FKBP5: variants seen among roughly 807,000 people sequenced by gnomAD.
FKBP5 encodes the protein peptidyl-prolyl cis-trans isomerase FKBP5.
FKBP5 carries 23 observed loss-of-function variants against 50.5 expected under a neutral mutation model. That is an observed-to-expected ratio of 0.46 (90% confidence interval 0.33 to 0.65). FKBP5 has a LOEUF of 0.65. FKBP5 is among the 30% of genes least tolerant of loss of function. FKBP5 has a pLI of 0.02. For missense variants in FKBP5, 411 were observed against 553.1 expected (o/e 0.74, Z 2.58); for synonymous variants, 176 against 190.6 (o/e 0.92, Z 0.63).
rs551947555 is a variant in FKBP5 at position 35,601,786 on chromosome 6, T to C, written c.509-4382A>G. ...TACGGGAAGTAAATCATCTATGACA[T>C]GCCCAAAGAGAATAAAAGTACATAC... On this transcript the variant is annotated intron_variant, in intron 5 of 10. Coordinates refer to ENST00000357266, the MANE Select transcript of FKBP5 (RefSeq NM_004117.4). 2.6e-5 allele frequency among the ~76,000 whole-genome samples: 4 copies of C among 152,290 alleles called. No homozygotes were observed. The East Asian group carries it at 7.7e-4, about 29-fold the overall frequency.
chr6:35,703,280 T>G (rs1164305121), intron 2 of FKBP5, among the ~76,000 whole-genome samples: 9 of 149,942 alleles, frequency 6.0e-5, no homozygotes, highest in Non-Finnish European at 1.3e-4. Context: ...GGTGTGGTAG[T>G]GGGCACTTGT....
chr6:35,581,106 C>A, intron 8 of FKBP5: 1 of 964,444 alleles, frequency 1.0e-6, no homozygotes, highest in Non-Finnish European at 1.2e-6. Flanking sequence ...CAAAAACAGG[C>A]AGGGACCAGA....
intron 8 of FKBP5, 151 bp from the exon 9 acceptor site, chr6:35,580,372 C>T: frequency 1.5e-6 from 1 of 683,602 alleles, no homozygotes; most frequent in Non-Finnish European, 2.5e-6. Context: ...GTACCTTTCC[C>T]ACTCCCTTGG....
chr6:35,582,914 G>A, intron 8 of FKBP5: 2 of 900,442 alleles, frequency 2.2e-6, no homozygotes, highest in Non-Finnish European at 2.7e-6. Flanking sequence ...TCAAAGGAAT[G>A]TAAATATGGA....
intron 2 of FKBP5, among the ~76,000 whole-genome samples, chr6:35,637,808 A>C (rs889110958): frequency 2.0e-5 from 3 of 152,160 alleles, no homozygotes; most frequent in African/African-American, 7.2e-5. Flanking sequence ...ATACACACGG[A>C]CTTAGACCAG....
rs1169239811 is a variant in FKBP5 at position 35,659,699 on chromosome 6, A to G, written c.-19-16856T>C. ...TTCATATTATTCTCTCATCCTTTTA[A>G]TAATTATAGAATCTGAGCTTTGTTA... On this transcript the variant is annotated intron_variant, in intron 1 of 10. Coordinates refer to ENST00000357266, the MANE Select transcript of FKBP5 (RefSeq NM_004117.4). 4.7e-5 allele frequency among the ~76,000 whole-genome samples: 4 copies of G among 84,976 alleles called. 1 individual carries two copies. Among genetic ancestry groups the G allele is most frequent in the African/African-American group, 1.1e-4 (3 of 27,528 alleles). 55.7% of individuals were successfully genotyped at this position (84,976 alleles called of 152,430 possible).
At chr6:35,587,146 A>G in intron 7 of FKBP5, 29 bp from the exon 8 acceptor site, 2 of 1,600,626 alleles carry the variant, frequency 1.2e-6, no homozygotes, top group Non-Finnish European at 1.7e-6. Context: ...CAATGGTTAG[A>G]TGAACAGAGA....
intron 1 of FKBP5, among the ~76,000 whole-genome samples, chr6:35,724,060 A>G (rs925094182): frequency 1.3e-5 from 2 of 152,228 alleles, no homozygotes; most frequent in African/African-American, 2.4e-5. Context: ...AGGCAGGTAC[A>G]TTAAATGTAC....
At chr6:35,686,616 A>AT (rs971185799) in intron 1 of FKBP5, among the ~76,000 whole-genome samples, 19 of 152,342 alleles carry the variant, frequency 1.2e-4, no homozygotes, top group Admixed American at 9.8e-4. Flanking sequence ...TGTTCAACCT[A>AT]TCCACACTAA....
intron 1 of FKBP5, among the ~76,000 whole-genome samples, chr6:35,727,297 C>G (rs1766734513): frequency 6.6e-6 from 1 of 152,158 alleles, no homozygotes; most frequent in Admixed American, 6.5e-5. Context: ...TCTTTAGGAC[C>G]AGCACTTAGT....
intron 1 of FKBP5, among the ~76,000 whole-genome samples, chr6:35,726,619 T>A (rs1241793454): frequency 6.6e-6 from 1 of 151,840 alleles, no homozygotes; most frequent in Admixed American, 6.6e-5. Context: ...CTTTCTCCCA[T>A]ATCTTTCTCC....
At chr6:35,666,950 A>G (rs1765249187) in intron 1 of FKBP5, among the ~76,000 whole-genome samples, 1 of 152,118 alleles carries the variant, frequency 6.6e-6, no homozygotes, top group Non-Finnish European at 1.5e-5. Flanking sequence ...AGCCATTAAT[A>G]GTAGCTAATT....
At chr6:35,586,303 T>G in intron 8 of FKBP5, 1 of 985,156 alleles carries the variant, frequency 1.0e-6, no homozygotes, top group East Asian at 1.1e-4. Flanking sequence ...TGAGAAGCAA[T>G]TTATGATGAA....
chr6:35,656,821 C>T (rs956777574), intron 1 of FKBP5, among the ~76,000 whole-genome samples: 4 of 147,670 alleles, frequency 2.7e-5, no homozygotes, highest in Middle Eastern at 3.6e-3. Flanking sequence ...TGCTTGAACC[C>T]GGGAGGTGGA....
intron 1 of FKBP5, among the ~76,000 whole-genome samples, chr6:35,683,120 ATGTGTGTGTGTG>A (rs35830022): frequency 0.064 from 5,165 of 80,498 alleles, 208 homozygotes; most frequent in African/African-American, 0.14. Flanking sequence ...ATATACGTAT[ATGTGTGTGTGTG>A]TGTGTGTGTG....
intron 3 of FKBP5, among the ~76,000 whole-genome samples, chr6:35,624,339 C>T (rs1234714343): frequency 6.6e-6 from 1 of 152,028 alleles, no homozygotes; most frequent in Non-Finnish European, 1.5e-5. Flanking sequence ...AACAAAAATA[C>T]TTCAAAATTT....
intron 1 of FKBP5, among the ~76,000 whole-genome samples, chr6:35,728,278 A>C (rs1766764994): frequency 6.6e-6 from 1 of 152,154 alleles, no homozygotes; most frequent in African/African-American, 2.4e-5. Flanking sequence ...GGGAGGGGCA[A>C]GCATACGGCC....
At chr6:35,662,705 A>C (rs1398053794) in intron 1 of FKBP5, among the ~76,000 whole-genome samples, 1 of 152,064 alleles carries the variant, frequency 6.6e-6, no homozygotes, top group Non-Finnish European at 1.5e-5. Context: ...AATTACAGTA[A>C]ATTTGTTTTG....
intron 2 of FKBP5, among the ~76,000 whole-genome samples, chr6:35,699,896 A>T (rs1287876644): frequency 6.6e-6 from 1 of 151,978 alleles, no homozygotes; most frequent in Non-Finnish European, 1.5e-5. Context: ...AAAATACAAA[A>T]ATTAGCCAGG....
Sources: gnomAD v4.1 joint callset for allele counts (sites outside exome capture counted in the v4.1 genomes callset) on GRCh38, gnomAD v4.1.1 for gene constraint, MANE v1.5 for transcripts, NCBI Gene and HGNC (gene_info 2026-07-23, HGNC 2026-07-21) for gene names.